CMYA5: variants seen among roughly 807,000 people sequenced by gnomAD.
The protein encoded by CMYA5 is cardiomyopathy associated 5, also known as cardiomyopathy-associated protein 5.
A neutral mutation model predicts 318.9 loss-of-function variants in CMYA5; 246 were observed. The observed-to-expected ratio is 0.77, with a 90% CI of 0.70 to 0.86. CMYA5 has a LOEUF of 0.86. CMYA5 is among the 40% of genes least tolerant of loss of function. The probability of loss-of-function intolerance (pLI) is 0.00; values close to 1 mark genes in which losing one functional copy is unlikely to be tolerated. For synonymous variants in CMYA5, 1,641 were observed against 1,729.5 expected, an observed-to-expected ratio of 0.95 and a Z score of 1.27; for missense variants, 4,589 against 4,678.2, an observed-to-expected ratio of 0.98 and a Z score of 0.56.
chr5:79,734,727 G>T lies in CMYA5; in HGVS notation c.5962G>T (p.Ala1988Ser), dbSNP rs372626687. 18 of 1,613,702 alleles carry T rather than the reference G, an allele frequency of 1.1e-5. No homozygotes were observed. The highest frequency in any genetic ancestry group is 1.6e-4 in the Middle Eastern group (1 of 6,082). The change falls in exon 2 of 13, where the codon GCT (alanine) becomes TCT (serine). Residue 1988 changes from alanine (A) to serine (S), a missense_variant. Transcript: ENST00000446378. The stretch of plus-strand genomic sequence containing the variant: ...TTACTCTTCTGAAGAAGTAAAGCTG[G>T]CTGAAGAACCAAAGTCTTTAGTCCT... The part of the protein sequence containing the change: ...KSYSSEEVKL[A>S]EEPKSLVLAG...
chr5:79,733,524 C>T lies in CMYA5; in HGVS notation c.4759C>T (p.Leu1587Phe), dbSNP rs774367326. The T allele has an allele frequency of 1.9e-6, 3 of 1,613,950 alleles. No individual in the cohort carries two copies. The highest frequency in any genetic ancestry group is 1.7e-6 in the Non-Finnish European group (2 of 1,179,850). ...ASGLAPTLLL[L>F]SDDKNKPAVE... ...AGGTTTAGCCCCAACATTACTGCTC[C>T]TCAGTGATGATAAGAACAAACCGGC... is the stretch of plus-strand genomic sequence containing the variant. The change falls in exon 2 of 13, where the codon CTC (leucine) becomes TTC (phenylalanine). Residue 1587 changes from leucine (L) to phenylalanine (F), a missense_variant. Leu to Phe is a conservative substitution (Grantham distance 22). Transcript: ENST00000446378.
At chr5:79,756,234 G>T (rs146393706) in intron 6 of CMYA5, among the ~76,000 whole-genome samples, 1 of 152,142 alleles carries the variant, frequency 6.6e-6, no homozygotes, top group Non-Finnish European at 1.5e-5. Flanking sequence ...CAGTTCCTGG[G>T]GAGGTGCTCT....
intron 12 of CMYA5, among the ~76,000 whole-genome samples, chr5:79,796,533 T>G (rs1829278625): frequency 6.6e-6 from 1 of 152,130 alleles, no homozygotes; most frequent in African/African-American, 2.4e-5. Flanking sequence ...TCTAAGTAGC[T>G]AAGGCTATAG....
In CMYA5 at chr5:79,698,104, GAC is replaced by G. The variant is rs541117650; in HGVS notation, c.149+8050_149+8051del. Among the ~76,000 whole-genome samples the G allele has an allele frequency of 7.0e-3, 1,065 of 152,190 alleles. 13 individuals are homozygous for G. The highest frequency in any genetic ancestry group is 7.7e-3 in the Non-Finnish European group (522 of 68,008). On this transcript the variant is annotated intron_variant, in intron 1 of 12. Transcript: ENST00000446378. ...TAAAATTCAGATCCTCTGTTTAAAAGACAATTTATATTAGTTTTGGGGTCATG... is the reference window on the plus strand; with the variant it reads ...TAAAATTCAGATCCTCTGTTTAAAAGAATTTATATTAGTTTTGGGGTCATG...
At chr5:79,799,268 G>A (rs1312993740) in intron 12 of CMYA5, 102 bp from the exon 13 acceptor site, 3 of 1,177,616 alleles carry the variant, frequency 2.5e-6, no homozygotes, top group Admixed American at 2.6e-5. Context: ...TTATTGTGAA[G>A]TGGAGTTAAT....
Position 79,799,421 on chromosome 5 carries a change from T to C in CMYA5, c.12015T>C (p.Arg4005=), listed in dbSNP as rs913909719. The change falls in exon 13 of 13, where the codon CGT becomes CGC. Residue 4005 remains arginine (R), a synonymous_variant. Transcript: ENST00000446378. ...TGAGTGATGTTCATGTGACTGAGCG[T>C]CCAGCCAGAGTGGGCATCCTGCTGG... ...GIVSDVHVTE[R]PARVGILLDY... 1 of 1,613,842 alleles carries C rather than the reference T, an allele frequency of 6.2e-7. No homozygotes were observed. Among genetic ancestry groups the C allele is most frequent in the African/African-American group, 1.3e-5 (1 of 75,050 alleles).
In CMYA5 at chr5:79,729,942, A is replaced by T; in HGVS notation, c.1177A>T (p.Thr393Ser). 1 of 1,613,924 alleles carries T rather than the reference A, an allele frequency of 6.2e-7. No individual in the cohort carries two copies. The highest frequency in any genetic ancestry group is 8.5e-7 in the Non-Finnish European group (1 of 1,179,866). Reference sequence around the variant, plus strand: ...CACACCTGCAACTATGTTCCTGAGAACAACAAAGGAAGAATGTGAGCTTGC... The same window carrying T: ...CACACCTGCAACTATGTTCCTGAGATCAACAAAGGAAGAATGTGAGCTTGC... Reference protein sequence around the residue: ...PDTPATMFLRTTKEECELASP... With the variant: ...PDTPATMFLRSTKEECELASP... The change falls in exon 2 of 13, where the codon ACA becomes TCA. Residue 393 changes from threonine to serine, a missense_variant. Physicochemically the swap from Thr to Ser is moderately conservative, Grantham distance 58. Transcript: ENST00000446378.
rs530814558 is a variant in CMYA5 at position 79,726,224 on chromosome 5, C to T, written c.150-2691C>T. On this transcript the variant is annotated intron_variant, in intron 1 of 12. Transcript: ENST00000446378. ...TCTCTGGTTGGGCACATAGAATTTACAATCAATAGTTAACTCTAAATTGAA... is the reference window on the plus strand; with the variant it reads ...TCTCTGGTTGGGCACATAGAATTTATAATCAATAGTTAACTCTAAATTGAA... Among the ~76,000 whole-genome samples the T allele has an allele frequency of 3.9e-5, 6 of 152,320 alleles. No homozygotes were observed. In the South Asian group the frequency reaches 1.0e-3, roughly 26 times the overall value.
At chr5:79,767,853 A>G (rs1053494050) in intron 9 of CMYA5, among the ~76,000 whole-genome samples, 1 of 151,506 alleles carries the variant, frequency 6.6e-6, no homozygotes, top group African/African-American at 2.4e-5. Context: ...AGTCCTGAAT[A>G]TGTTAATTTT....
chr5:79,793,925 G>A (rs1829226405), intron 12 of CMYA5, among the ~76,000 whole-genome samples: 1 of 152,214 alleles, frequency 6.6e-6, no homozygotes, highest in South Asian at 2.1e-4. Context: ...GCCTGGAGAA[G>A]CAGAGAAGGA....
At chr5:79,728,868 ATTATT>A in intron 1 of CMYA5, 42 bp from the exon 2 acceptor site, 1 of 861,420 alleles carries the variant, frequency 1.2e-6, no homozygotes, top group Non-Finnish European at 1.6e-6. Flanking sequence ...ATTAATTAGT[ATTATT>A]TTATTATGAT....
chr5:79,763,606 A>AT (rs2151095475), intron 9 of CMYA5, among the ~76,000 whole-genome samples: 1 of 152,334 alleles, frequency 6.6e-6, no homozygotes, highest in South Asian at 2.1e-4. Context: ...GAATGTCTCC[A>AT]TGATAGATTG....
At chr5:79,709,696 G>A (rs897530390) in intron 1 of CMYA5, among the ~76,000 whole-genome samples, 14 of 151,460 alleles carry the variant, frequency 9.2e-5, no homozygotes, top group Admixed American at 8.5e-4. Flanking sequence ...GGTGACTCAC[G>A]CCTGTAACTC....
Position 79,738,339 on chromosome 5 carries a change from T to TTA in CMYA5, c.9579_9580dup (p.Lys3194IlefsTer25). 1 of 1,613,724 alleles carries TTA rather than the reference T, an allele frequency of 6.2e-7. No individual in the cohort carries two copies. The highest frequency in any genetic ancestry group is 2.2e-5 in the East Asian group (1 of 44,880). The stretch of plus-strand genomic sequence containing the variant: ...GGAGGAGCCACCTGCACTTGCATTT[T>TTA]TATATAAGGATCTGTATGAAGAAGC... On this transcript the variant is annotated frameshift_variant, in exon 2 of 13. Transcript: ENST00000446378. LOFTEE classifies it high-confidence loss of function.
rs1269205366 is a variant in CMYA5 at position 79,732,176 on chromosome 5, G to A, written c.3411G>A (p.Lys1137=). 7 of 1,613,932 alleles carry A rather than the reference G, an allele frequency of 4.3e-6. No individual in the cohort carries two copies. The highest frequency in any genetic ancestry group is 5.9e-6 in the Non-Finnish European group (7 of 1,179,870). Residue 1137 remains lysine, a synonymous_variant, in exon 2 of 13, where the codon AAG becomes AAA. Coordinates refer to ENST00000446378, the MANE Select transcript of CMYA5 (RefSeq NM_153610.5). ...IPSHLTSEVE[K]GEREASSSVA... ...CACATTTAACCAGTGAAGTGGAGAA[G>A]GGAGAAAGGGAGGCAAGTTCATCAG... is the stretch of plus-strand genomic sequence containing the variant.
In CMYA5 at chr5:79,796,253, C is replaced by T. The variant is rs1163343340; in HGVS notation, c.11963+2643C>T. Among the ~76,000 whole-genome samples, 7 of 152,062 alleles carry T rather than the reference C, an allele frequency of 4.6e-5. No individual in the cohort carries two copies. The South Asian group carries it at 1.0e-3, about 23-fold the overall frequency. ...GCAATAATAGAAAAATGGTGCCACACGTGGCTATTAAACACTAGAAATGTG... is the reference window on the plus strand; with the variant it reads ...GCAATAATAGAAAAATGGTGCCACATGTGGCTATTAAACACTAGAAATGTG... On this transcript the variant is annotated intron_variant, in intron 12 of 12. Coordinates refer to ENST00000446378, the MANE Select transcript of CMYA5 (RefSeq NM_153610.5).
chr5:79,720,384 A>G (rs1345786699), intron 1 of CMYA5, among the ~76,000 whole-genome samples: 4 of 152,016 alleles, frequency 2.6e-5, no homozygotes, highest in African/African-American at 9.7e-5. Flanking sequence ...AAGACAATGG[A>G]ATGATATTTT....
chr5:79,739,785 C>A (rs1444149875), intron 2 of CMYA5, among the ~76,000 whole-genome samples: 5 of 151,974 alleles, frequency 3.3e-5, no homozygotes, highest in Admixed American at 3.3e-4. Context: ...AAGTTTGAGA[C>A]CAGCCTGGGC....
At chr5:79,760,918 T>C (rs1413540450) in intron 7 of CMYA5, among the ~76,000 whole-genome samples, 1 of 152,148 alleles carries the variant, frequency 6.6e-6, no homozygotes, top group Non-Finnish European at 1.5e-5. Context: ...AGAGAGGCAA[T>C]TGAGAAGCCT....
Sources: gnomAD v4.1 joint callset for allele counts (sites outside exome capture counted in the v4.1 genomes callset) on GRCh38, gnomAD v4.1.1 for gene constraint, MANE v1.5 for transcripts, NCBI Gene and HGNC (gene_info 2026-07-23, HGNC 2026-07-21) for gene names.